CPED1: variants seen among roughly 807,000 people sequenced by gnomAD.
The protein encoded by CPED1 is cadherin like and PC-esterase domain containing 1.
CPED1 carries 114 observed loss-of-function variants against 128.2 expected under a neutral mutation model. That is an observed-to-expected ratio of 0.89 (90% CI 0.76 to 1.04). The LOEUF (loss-of-function observed/expected upper bound fraction) is 1.04. CPED1 is among the 50% of genes least tolerant of loss of function. The pLI is 0.00. For synonymous variants in CPED1, 462 were observed against 426.7 expected (o/e 1.08, Z -1.02); for missense variants, 1,211 against 1,207.1 (o/e 1.00, Z -0.05).
chr7:121,007,183 A>T (rs1354702959), intron 2 of CPED1, among the ~76,000 whole-genome samples: 2 of 148,356 alleles, frequency 1.3e-5, no homozygotes, highest in Non-Finnish European at 3.0e-5. Context: ...ACCCAGCATG[A>T]TTCTACATTT....
chr7:121,094,543 A>T (rs1442418374), intron 5 of CPED1, among the ~76,000 whole-genome samples: 2 of 152,230 alleles, frequency 1.3e-5, no homozygotes, highest in African/African-American at 4.8e-5. Flanking sequence ...TCATTGTTAG[A>T]ACAAATATTT....
At position 121,096,534 on chromosome 7, in the gene CPED1, C is replaced by T. The variant is rs1017222180; in HGVS notation, c.617-1165C>T. On this transcript the variant is annotated intron_variant, in intron 5 of 22. Transcript: ENST00000310396. ...GGTCATGTCTAACAAATTTGCAGTGCGTTTACCATTGACCTGGCAATTACA... is the reference window on the plus strand; with the variant it reads ...GGTCATGTCTAACAAATTTGCAGTGTGTTTACCATTGACCTGGCAATTACA... Among the ~76,000 whole-genome samples the T allele has an allele frequency of 4.6e-5, 7 of 152,056 alleles. No homozygotes were observed. In the East Asian group the frequency reaches 5.8e-4, roughly 13 times the overall value.
At chr7:121,154,630 C>T (rs1796241525) in intron 16 of CPED1, among the ~76,000 whole-genome samples, 1 of 152,094 alleles carries the variant, frequency 6.6e-6, no homozygotes, top group African/African-American at 2.4e-5. Flanking sequence ...ACTACAACCT[C>T]CAGCTCCCTG....
chr7:121,029,508 G>A lies in CPED1; in HGVS notation c.433+13660G>A, dbSNP rs192540895. On this transcript the variant is annotated intron_variant, in intron 3 of 22. Coordinates refer to ENST00000310396, the MANE Select transcript of CPED1 (RefSeq NM_024913.5). ...GTGTCATATTAGAAATGCTGGGAAT[G>A]CTGGAATGGCAGGCACGTTCCACAG... is the stretch of plus-strand genomic sequence containing the variant. Among the ~76,000 whole-genome samples the A allele has an allele frequency of 3.9e-5, 6 of 152,260 alleles. No individual in the cohort carries two copies. The East Asian group carries it at 1.2e-3, about 29-fold the overall frequency.
intron 16 of CPED1, among the ~76,000 whole-genome samples, chr7:121,167,725 A>ATT (rs10588976): frequency 1.0e-3 from 103 of 99,246 alleles, no homozygotes; most frequent in African/African-American, 2.0e-3. Context: ...TTTAAAGTCT[A>ATT]TTTTTTTTTT....
At chr7:121,149,174 A>G (rs1003649754) in intron 16 of CPED1, among the ~76,000 whole-genome samples, 5 of 152,212 alleles carry the variant, frequency 3.3e-5, no homozygotes, top group African/African-American at 1.2e-4. Flanking sequence ...TCATTTACCA[A>G]GAGCCCACAA....
At chr7:121,128,508 ATTCT>A in intron 11 of CPED1, 22 bp downstream of exon 11, 4 of 1,279,196 alleles carry the variant, frequency 3.1e-6, no homozygotes, top group Middle Eastern at 1.9e-4. Flanking sequence ...GTGACATTTG[ATTCT>A]TTCTTGGTGA....
At chr7:121,238,801 C>T (rs760085129) in intron 17 of CPED1, among the ~76,000 whole-genome samples, 12 of 150,958 alleles carry the variant, frequency 7.9e-5, no homozygotes, top group East Asian at 5.8e-4. Flanking sequence ...CAAGGGTGCA[C>T]GAGCAATATG....
chr7:121,200,095 G>A (rs916533769), intron 16 of CPED1, among the ~76,000 whole-genome samples: 1 of 151,958 alleles, frequency 6.6e-6, no homozygotes, highest in Non-Finnish European at 1.5e-5. Flanking sequence ...TATTTAAAAA[G>A]CCAGCTGGTA....
intron 22 of CPED1, among the ~76,000 whole-genome samples, chr7:121,290,508 A>G (rs1584658457): frequency 1.3e-5 from 2 of 152,298 alleles, no homozygotes; most frequent in East Asian, 1.9e-4. Context: ...TCTAACTGGC[A>G]TGAGATGGTA....
intron 3 of CPED1, among the ~76,000 whole-genome samples, chr7:121,036,692 T>A (rs1266184964): frequency 1.3e-5 from 2 of 152,078 alleles, no homozygotes; most frequent in Non-Finnish European, 2.9e-5. Flanking sequence ...AGATCTATTT[T>A]AAAGGTTTTA....
At chr7:121,038,736 C>G (rs2116880715) in intron 3 of CPED1, among the ~76,000 whole-genome samples, 1 of 152,090 alleles carries the variant, frequency 6.6e-6, no homozygotes, top group African/African-American at 2.4e-5. Context: ...TTGGCTGTGA[C>G]AGTTTCTCAG....
intron 16 of CPED1, among the ~76,000 whole-genome samples, chr7:121,177,287 AATG>A (rs1262901068): frequency 2.6e-5 from 4 of 151,930 alleles, no homozygotes; most frequent in Non-Finnish European, 4.4e-5. Context: ...TCAAGGATTC[AATG>A]ATATGTGTGT....
chr7:121,158,167 T>C (rs747373925), intron 16 of CPED1, among the ~76,000 whole-genome samples: 1 of 152,192 alleles, frequency 6.6e-6, no homozygotes, highest in Non-Finnish European at 1.5e-5. Flanking sequence ...GGTATCAACA[T>C]ATAAGAGATA....
At chr7:121,052,641 G>T (rs1391415757) in intron 4 of CPED1, among the ~76,000 whole-genome samples, 1 of 152,164 alleles carries the variant, frequency 6.6e-6, no homozygotes, top group Non-Finnish European at 1.5e-5. Flanking sequence ...AAGGTGAGAA[G>T]GGGGTTATGG....
intron 5 of CPED1, among the ~76,000 whole-genome samples, chr7:121,096,577 G>C (rs117464654): frequency 6.6e-6 from 1 of 151,968 alleles, no homozygotes; most frequent in Non-Finnish European, 1.5e-5. Context: ...ATACAAATCC[G>C]CCACTAGACA....
At chr7:121,236,142 A>G (rs375153705) in intron 16 of CPED1, among the ~76,000 whole-genome samples, 1 of 152,158 alleles carries the variant, frequency 6.6e-6, no homozygotes, top group South Asian at 2.1e-4. Flanking sequence ...GCAATACACT[A>G]TCGTTCTGTT....
At chr7:121,007,516 G>GAACTAAGGA (rs1435450236) in intron 2 of CPED1, among the ~76,000 whole-genome samples, 14 of 152,218 alleles carry the variant, frequency 9.2e-5, no homozygotes, top group Non-Finnish European at 1.9e-4. Flanking sequence ...TTTCAGATGT[G>GAACTAAGGA]AACTAAGGCA....
At chr7:121,181,305 C>G (rs910417525) in intron 16 of CPED1, among the ~76,000 whole-genome samples, 21 of 151,994 alleles carry the variant, frequency 1.4e-4, no homozygotes, top group Admixed American at 6.6e-5. Flanking sequence ...AAAGAATATT[C>G]CACGCAGAGG....
Sources: gnomAD v4.1 joint callset for allele counts (sites outside exome capture counted in the v4.1 genomes callset) on GRCh38, gnomAD v4.1.1 for gene constraint, MANE v1.5 for transcripts, NCBI Gene and HGNC (gene_info 2026-07-23, HGNC 2026-07-21) for gene names.